The following MAN1A2 variants were observed in gnomAD, a reference collection of about 807,000 sequenced individuals.
MAN1A2 encodes the protein mannosyl-oligosaccharide 1,2-alpha-mannosidase IB.
Under a neutral mutation model 75.7 loss-of-function variants are expected in MAN1A2, and 26 were observed. That is an observed-to-expected ratio of 0.34 (90% CI 0.25 to 0.48). The LOEUF is 0.48. MAN1A2 is among the 20% of genes least tolerant of loss of function. The pLI, the probability that MAN1A2 is intolerant of heterozygous loss-of-function variation, is 0.99. For missense variants in MAN1A2, 562 were observed against 775.5 expected, an observed-to-expected ratio of 0.72 and a Z score of 3.27; for synonymous variants, 247 against 264.6, an observed-to-expected ratio of 0.93 and a Z score of 0.65.
chr1:117,499,429 G>A lies in MAN1A2; in HGVS notation c.1552G>A (p.Ala518Thr), dbSNP rs1471339832. The A allele has an allele frequency of 1.9e-6, 3 of 1,604,394 alleles. No individual in the cohort carries two copies. Among genetic ancestry groups the A allele is most frequent in the Non-Finnish European group, 2.6e-6 (3 of 1,175,690 alleles). The change falls in exon 11 of 13, where the codon GCT becomes ACT. Residue 518 changes from alanine (A) to threonine (T), a missense_variant. Ala to Thr is a moderately conservative substitution (Grantham distance 58). Transcript: ENST00000356554. ...ATTCAAGTTTGATGGTGCAGTGGAGGCTGTGGCTGTCCGGCAGGCTGAAAA... is the reference window on the plus strand; with the variant it reads ...ATTCAAGTTTGATGGTGCAGTGGAGACTGTGGCTGTCCGGCAGGCTGAAAA... ...ESFKFDGAVE[A>T]VAVRQAEKYY... is the part of the protein sequence containing the mutation.
At chr1:117,453,287 G>A (rs1322473260) in intron 6 of MAN1A2, among the ~76,000 whole-genome samples, 1 of 152,140 alleles carries the variant, frequency 6.6e-6, no homozygotes, top group Non-Finnish European at 1.5e-5. Flanking sequence ...AATTTTGTAA[G>A]GCTATAGCTG....
At chr1:117,474,075 T>C (rs1301571741) in intron 8 of MAN1A2, among the ~76,000 whole-genome samples, 1 of 151,990 alleles carries the variant, frequency 6.6e-6, no homozygotes, top group East Asian at 1.9e-4. Context: ...AGTTGATGTT[T>C]AACTGTCTGG....
chr1:117,420,536 T>C (rs376884230), intron 4 of MAN1A2, 33 bp from the exon 5 acceptor site: 17 of 1,415,332 alleles, frequency 1.2e-5, no homozygotes, highest in East Asian at 2.3e-5. Flanking sequence ...AAGCATTACG[T>C]ATTTGTGAAT....
intron 1 of MAN1A2, among the ~76,000 whole-genome samples, chr1:117,394,942 A>G (rs1653860173): frequency 6.6e-6 from 1 of 152,196 alleles, no homozygotes; most frequent in African/African-American, 2.4e-5. Context: ...TAGAGAAGGA[A>G]AGAGTGAATA....
intron 1 of MAN1A2, among the ~76,000 whole-genome samples, chr1:117,370,634 GA>G (rs1433303237): frequency 1.3e-5 from 2 of 152,030 alleles, no homozygotes; most frequent in African/African-American, 4.8e-5. Flanking sequence ...AAATAATTCA[GA>G]AAAATAGCAC....
intron 8 of MAN1A2, among the ~76,000 whole-genome samples, chr1:117,471,172 C>T (rs1650141988): frequency 6.6e-6 from 1 of 151,578 alleles, no homozygotes; most frequent in African/African-American, 2.4e-5. Context: ...GTGGAAAAAA[C>T]AAGAATGGAC....
chr1:117,422,152 G>C (rs571885503), intron 5 of MAN1A2, among the ~76,000 whole-genome samples: 2 of 152,102 alleles, frequency 1.3e-5, no homozygotes, highest in African/African-American at 4.8e-5. Context: ...GCATGATCAA[G>C]ATACAGAATT....
At chr1:117,423,452 G>A (rs1027583837) in intron 5 of MAN1A2, among the ~76,000 whole-genome samples, 2 of 152,056 alleles carry the variant, frequency 1.3e-5, no homozygotes, top group African/African-American at 4.8e-5. Flanking sequence ...TAAATTTTGA[G>A]TGATTTGACA....
intron 8 of MAN1A2, among the ~76,000 whole-genome samples, chr1:117,469,677 G>C (rs1386461595): frequency 6.6e-6 from 1 of 152,016 alleles, no homozygotes; most frequent in Non-Finnish European, 1.5e-5. Flanking sequence ...TAATGGGTGA[G>C]GACTTGAATA....
chr1:117,480,298 G>T (rs1650455263), intron 8 of MAN1A2, among the ~76,000 whole-genome samples: 1 of 151,818 alleles, frequency 6.6e-6, no homozygotes, highest in Admixed American at 6.6e-5. Context: ...AGAGTCCATA[G>T]GTCTGTGCCT....
In MAN1A2 at chr1:117,412,897, A is replaced by G. The variant is rs150169213; in HGVS notation, c.656-1816A>G. ...GCCTTTTTCCACTCCAGAATAGTCA[A>G]TACCTTAGAGAAATATGTACTTAGA... On this transcript the variant is annotated intron_variant, in intron 3 of 12. Transcript: ENST00000356554. Among the ~76,000 whole-genome samples, 998 of 151,972 alleles carry G rather than the reference A, an allele frequency of 6.6e-3. 7 individuals carry two copies. The highest frequency in any genetic ancestry group is 0.023 in the African/African-American group (942 of 41,518).
intron 5 of MAN1A2, among the ~76,000 whole-genome samples, chr1:117,431,600 ATAAAT>A (rs914616796): frequency 2.6e-5 from 4 of 152,226 alleles, no homozygotes; most frequent in Admixed American, 2.6e-4. Flanking sequence ...TTTACCAAAA[ATAAAT>A]TGTATGCTGG....
chr1:117,388,476 C>T (rs909696380), intron 1 of MAN1A2, among the ~76,000 whole-genome samples: 2 of 152,116 alleles, frequency 1.3e-5, no homozygotes, highest in African/African-American at 4.8e-5. Flanking sequence ...ATGATGCCAA[C>T]ATCTGCTTCT....
rs759656863 is a variant in MAN1A2, at chr1:117,526,841, C to CCTCTCTCTCTCTCTCTCT, written c.*3907_*3924dup. 1.7e-4 allele frequency: 11 copies of CCTCTCTCTCTCTCTCTCT among 66,112 alleles called. No homozygotes were observed. The highest frequency in any genetic ancestry group is 4.7e-4 in the East Asian group (1 of 2,118). 4.1% of individuals were successfully genotyped at this position (66,112 alleles called of 1,614,324 possible). A position where few individuals can be genotyped will look rare whatever the true frequency, so the allele number is the denominator to read the frequency against. On this transcript the variant is annotated 3_prime_UTR_variant, in exon 13 of 13. Coordinates refer to ENST00000356554, the MANE Select transcript of MAN1A2 (RefSeq NM_006699.5). ...TCAAATTGGCTAGGTCCTATCTTTT[C>CCTCTCTCTCTCTCTCTCT]CTCTCTCTCTCTCTCTCTCTCTCTC...
At position 117,368,082 on chromosome 1, in the gene MAN1A2, G is replaced by T; in HGVS notation, c.-102G>T. On this transcript the variant is annotated 5_prime_UTR_variant, in exon 1 of 13. Transcript: ENST00000356554. ...ACAGTCCTTTAAGAGGAGCAAAATTGAGTTTTCCCATTTTGGCCAAGATTT... is the reference window on the plus strand; with the variant it reads ...ACAGTCCTTTAAGAGGAGCAAAATTTAGTTTTCCCATTTTGGCCAAGATTT... 8.6e-7 allele frequency: 1 copy of T among 1,156,148 alleles called. No individual in the cohort carries two copies. The highest frequency in any genetic ancestry group is 1.2e-6 in the Non-Finnish European group (1 of 820,536). 71.6% of individuals were successfully genotyped at this position (1,156,148 alleles called of 1,614,324 possible). A position where few individuals can be genotyped will look rare whatever the true frequency, so the allele number is the denominator to read the frequency against.
At chr1:117,405,368 T>C (rs1027651914) in intron 2 of MAN1A2, among the ~76,000 whole-genome samples, 181 bp from the exon 3 acceptor site, 3 of 152,232 alleles carry the variant, frequency 2.0e-5, no homozygotes, top group Non-Finnish European at 4.4e-5. Context: ...TCCTGTCATA[T>C]AGATGAGATT....
intron 5 of MAN1A2, among the ~76,000 whole-genome samples, chr1:117,434,588 T>G (rs1648787565): frequency 6.6e-6 from 1 of 152,202 alleles, no homozygotes; most frequent in Non-Finnish European, 1.5e-5. Flanking sequence ...GAAAAAGACC[T>G]GAATATTCAT....
intron 4 of MAN1A2, among the ~76,000 whole-genome samples, chr1:117,417,849 T>G (rs547717654): frequency 1.8e-4 from 28 of 151,736 alleles, no homozygotes; most frequent in Non-Finnish European, 3.5e-4. Context: ...ATCCCAGCAC[T>G]TTGGGAGGTT....
intron 1 of MAN1A2, among the ~76,000 whole-genome samples, chr1:117,386,611 A>T (rs1218663578): frequency 1.4e-5 from 2 of 144,732 alleles, no homozygotes; most frequent in African/African-American, 5.2e-5. Flanking sequence ...GCTGAGGATT[A>T]TTTCTCATTT....
Sources: allele counts gnomAD v4.1 joint callset (sites outside exome capture counted in the v4.1 genomes callset), GRCh38; gene constraint gnomAD v4.1.1; transcripts MANE v1.5; gene names NCBI Gene and HGNC (gene_info 2026-07-23, HGNC 2026-07-21).